The following SRGAP2 variants were observed in gnomAD, a reference collection of about 807,000 sequenced individuals.
SRGAP2 encodes the protein SLIT-ROBO Rho GTPase-activating protein 2.
Under a neutral mutation model 57.2 loss-of-function variants are expected in SRGAP2, and 15 were observed. The ratio of observed to expected loss-of-function variants is 0.26; its 90% CI spans 0.18 to 0.40. The LOEUF (loss-of-function observed/expected upper bound fraction) is 0.40, where lower values mean the gene tolerates loss of function less well. Ranked by LOEUF, SRGAP2 falls within the 10% of genes least tolerant of loss-of-function variation. SRGAP2 has a pLI of 1.00. For missense variants in SRGAP2, 520 were observed against 669.6 expected (o/e 0.78, Z 2.47); for synonymous variants, 249 against 248.0 (o/e 1.00, Z -0.04).
At position 206,455,104 on chromosome 1, in the gene SRGAP2, C is replaced by T. The variant is rs572324726; in HGVS notation, c.2507+80C>T. 1.1e-4 allele frequency: 82 copies of T among 775,072 alleles called. No individual in the cohort carries two copies. In the East Asian group the frequency reaches 1.9e-3, roughly 18 times the overall value. 48.0% of individuals were successfully genotyped at this position (775,072 alleles called of 1,614,324 possible). A position where few individuals can be genotyped will look rare whatever the true frequency, so the allele number is the denominator to read the frequency against. On this transcript the variant is annotated intron_variant, in intron 21 of 22. Coordinates refer to ENST00000573034, the MANE Select transcript of SRGAP2 (RefSeq NM_015326.5). ...CACCCTCTGGCCTAACCCCCATCTC[C>T]ATTCCTGTGCTGCACGTAGGGCTCC...
Position 206,423,965 on chromosome 1 carries a change from T to A in SRGAP2, c.1494+2691T>A, listed in dbSNP as rs1660563972. Among the ~76,000 whole-genome samples the A allele has an allele frequency of 3.4e-5, 5 of 149,220 alleles. No individual in the cohort carries two copies. In the East Asian group the frequency reaches 9.8e-4, roughly 29 times the overall value. ...AATTTATGTATTTTTTTTTTTTTTT[T>A]TTTTTTTTATAGAGACTGAGTTTCA... On this transcript the variant is annotated intron_variant, in intron 13 of 22. Transcript: ENST00000573034.
intron 5 of SRGAP2, among the ~76,000 whole-genome samples, chr1:206,389,304 A>G (rs2103084825): frequency 6.7e-6 from 1 of 148,644 alleles, no homozygotes; most frequent in African/African-American, 2.5e-5. Flanking sequence ...CCTCCCGAGT[A>G]GCTGGGACTA....
intron 2 of SRGAP2, among the ~76,000 whole-genome samples, chr1:206,289,430 G>A (rs1671190316): frequency 1.3e-5 from 2 of 150,402 alleles, no homozygotes; most frequent in South Asian, 2.1e-4. Flanking sequence ...CCGCCACCAC[G>A]CCCAGCTACT....
In SRGAP2 at chr1:206,270,681, A is replaced by T. The variant is rs1436882150; in HGVS notation, c.68-32600A>T. Among the ~76,000 whole-genome samples, 5 of 131,876 alleles carry T rather than the reference A, an allele frequency of 3.8e-5. No individual in the cohort carries two copies. The East Asian group carries it at 1.1e-3, about 30-fold the overall frequency. The allele number at this position is 131,876 out of a possible 152,430, so 86.5% of individuals were successfully genotyped here. A position where few individuals can be genotyped will look rare whatever the true frequency, so the allele number is the denominator to read the frequency against. ...AGAAAGAAGGGGCAGATTGATATGT[A>T]CTAATATGAAAAATCTCCAAGACAC... On this transcript the variant is annotated intron_variant, in intron 2 of 22. Coordinates refer to ENST00000573034, the MANE Select transcript of SRGAP2 (RefSeq NM_015326.5).
intron 4 of SRGAP2, among the ~76,000 whole-genome samples, chr1:206,359,911 A>G (rs1285979393): frequency 4.4e-5 from 6 of 135,156 alleles, no homozygotes; most frequent in African/African-American, 1.7e-4. Flanking sequence ...GGTTCACGCC[A>G]TTCTCCTGCC....
intron 2 of SRGAP2, among the ~76,000 whole-genome samples, chr1:206,253,564 T>A (rs1298857486): frequency 7.6e-6 from 1 of 131,930 alleles, no homozygotes; most frequent in Non-Finnish European, 1.6e-5. Flanking sequence ...CTTTCTCTTT[T>A]CTTTCTTTCT....
intron 2 of SRGAP2, among the ~76,000 whole-genome samples, chr1:206,262,582 C>CT (rs1669627490): frequency 6.7e-6 from 1 of 149,638 alleles, no homozygotes; most frequent in African/African-American, 2.5e-5. Flanking sequence ...AGAGTTGTGA[C>CT]TGGAGGTTAT....
chr1:206,459,005 GCCACCCACC>G, intron 22 of SRGAP2, 58 bp downstream of exon 22: 1 of 662,322 alleles, frequency 1.5e-6, no homozygotes, highest in Non-Finnish European at 2.8e-6. Flanking sequence ...ACCACTTAGT[GCCACCCACC>G]TAATTATGAC....
chr1:206,359,626 C>G (rs1396106593), intron 4 of SRGAP2, among the ~76,000 whole-genome samples: 142 of 101,810 alleles, frequency 1.4e-3, no homozygotes, highest in African/African-American at 5.4e-3. Context: ...CTCCCATGTT[C>G]CAGGCACTGT....
At position 206,449,286 on chromosome 1, in the gene SRGAP2, A is replaced by ATTTTTTTG. The variant is rs1489255492; in HGVS notation, c.2100-1093_2100-1092insGTTTTTTT. 4.2e-3 allele frequency among the ~76,000 whole-genome samples: 470 copies of ATTTTTTTG among 110,690 alleles called. 8 individuals carry two copies. Among genetic ancestry groups the ATTTTTTTG allele is most frequent in the African/African-American group, 0.015 (396 of 27,162 alleles). The allele number at this position is 110,690 out of a possible 152,430, so 72.6% of individuals were successfully genotyped here. A position where few individuals can be genotyped will look rare whatever the true frequency, so the allele number is the denominator to read the frequency against. Reference sequence around the variant, plus strand: ...ATTTCTCGATTCCTTACACTGGATGATTTTTTTTTTTTTTTTTTTTTTTTA... The same window carrying ATTTTTTTG: ...ATTTCTCGATTCCTTACACTGGATGATTTTTTTGTTTTTTTTTTTTTTTTTTTTTTTTA... On this transcript the variant is annotated intron_variant, in intron 18 of 22. Coordinates refer to ENST00000573034, the MANE Select transcript of SRGAP2 (RefSeq NM_015326.5).
chr1:206,280,621 AT>A (rs1287084924), intron 2 of SRGAP2, among the ~76,000 whole-genome samples: 1 of 147,712 alleles, frequency 6.8e-6, no homozygotes, highest in Non-Finnish European at 1.5e-5. Flanking sequence ...CCAAAGTTGT[AT>A]TTGCTTATTA....
chr1:206,397,083 C>G (rs1231671375), intron 7 of SRGAP2, among the ~76,000 whole-genome samples: 26 of 151,804 alleles, frequency 1.7e-4, no homozygotes, highest in Non-Finnish European at 3.2e-4. Context: ...GAAAGTTTCT[C>G]TTGTCTCTTC....
chr1:206,421,411 G>A, intron 13 of SRGAP2, 137 bp downstream of exon 13: 1 of 503,780 alleles, frequency 2.0e-6, no homozygotes, highest in South Asian at 3.1e-5. Flanking sequence ...TTTAGTCATA[G>A]TATGTTTAAT....
chr1:206,370,762 A>G (rs1215878010), intron 4 of SRGAP2, among the ~76,000 whole-genome samples: 2 of 152,256 alleles, frequency 1.3e-5, no homozygotes, highest in African/African-American at 4.8e-5. Flanking sequence ...ATATCTCAAT[A>G]ATTTAAAAAA....
At position 206,258,004 on chromosome 1, in the gene SRGAP2, C is replaced by T. The variant is rs1346909210; in HGVS notation, c.68-45277C>T. Among the ~76,000 whole-genome samples, 13 of 151,980 alleles carry T rather than the reference C, an allele frequency of 8.6e-5. No homozygotes were observed. The East Asian group carries it at 1.2e-3, about 14-fold the overall frequency. On this transcript the variant is annotated intron_variant, in intron 2 of 22. Transcript: ENST00000573034. ...ACCTAAGATGTGAACAGGCTTGGCA[C>T]GGTGCATAAGCACCGTAAAGGTGGT...
chr1:206,259,723 G>T (rs1391645830), intron 2 of SRGAP2, among the ~76,000 whole-genome samples: 1 of 151,722 alleles, frequency 6.6e-6, no homozygotes, highest in African/African-American at 2.4e-5. Context: ...ACAAGGGTTA[G>T]GCAAGTGGCT....
intron 14 of SRGAP2, among the ~76,000 whole-genome samples, chr1:206,436,458 C>T (rs1661765769): frequency 6.6e-6 from 1 of 151,698 alleles, no homozygotes. Flanking sequence ...TCAAGTGAAC[C>T]TCCTACCTGA....
chr1:206,445,792 G>A (rs1662703688), intron 17 of SRGAP2, among the ~76,000 whole-genome samples: 1 of 152,208 alleles, frequency 6.6e-6, no homozygotes, highest in South Asian at 2.1e-4. Flanking sequence ...GGATAGGGAT[G>A]AGGATGGGGT....
At chr1:206,394,564 G>A (rs2103109534) in intron 7 of SRGAP2, among the ~76,000 whole-genome samples, 1 of 152,288 alleles carries the variant, frequency 6.6e-6, no homozygotes, top group East Asian at 1.9e-4. Context: ...AGAGGACTAC[G>A]AGACTCACTT....
Sources: allele counts gnomAD v4.1 joint callset (sites outside exome capture counted in the v4.1 genomes callset), GRCh38; gene constraint gnomAD v4.1.1; transcripts MANE v1.5; gene names NCBI Gene and HGNC (gene_info 2026-07-23, HGNC 2026-07-21).